The following EPB41L3 variants were observed in gnomAD, a reference collection of about 807,000 sequenced individuals.
The protein encoded by EPB41L3 is erythrocyte membrane protein band 4.1 like 3, also known as band 4.1-like protein 3.
In EPB41L3, 57 loss-of-function variants were observed where a neutral mutation model predicts 127.1. The observed-to-expected ratio is 0.45, with a 90% CI of 0.36 to 0.56. The LOEUF (loss-of-function observed/expected upper bound fraction) is 0.56, where lower values mean the gene tolerates loss of function less well. Among genes scored for constraint, EPB41L3 ranks in the 20% least tolerant of loss-of-function variants. EPB41L3 has a pLI of 0.00. For missense variants in EPB41L3, 1,273 were observed against 1,372.2 expected, an observed-to-expected ratio of 0.93 and a Z score of 1.14; for synonymous variants, 572 against 549.5, an observed-to-expected ratio of 1.04 and a Z score of -0.57.
chr18:5,408,355 C>T (rs2075767908), intron 14 of EPB41L3, among the ~76,000 whole-genome samples: 1 of 149,576 alleles, frequency 6.7e-6, no homozygotes, highest in Non-Finnish European at 1.5e-5. Context: ...CTCACTGCAA[C>T]CTCCACCTCC....
At chr18:5,538,994 G>GTTTTTTTTTTTT (rs1568535153) in intron 1 of EPB41L3, among the ~76,000 whole-genome samples, 3 of 128,628 alleles carry the variant, frequency 2.3e-5, no homozygotes, top group African/African-American at 3.1e-5. Flanking sequence ...CTTTCTCCAA[G>GTTTTTTTTTTTT]ATTTTTTTTT....
At position 5,434,104 on chromosome 18, in the gene EPB41L3, T is replaced by C. The variant is rs1201891671; in HGVS notation, c.623A>G (p.Gln208Arg). Reference protein sequence around the residue: ...EDITRYYLCLQLRDDIVSGRL... With the variant: ...EDITRYYLCLRLRDDIVSGRL... ...TCCGGACACGATGTCATCTCGCAAC[T>C]GCAAGCAGAGGTAGTACCTTCCAGG... Residue 208 changes from glutamine (Q) to arginine (R), a missense_variant, in exon 7 of 23, where the codon CAG (glutamine) becomes CGG (arginine). Around this residue, in one of 3 missense-constraint regions of EPB41L3, gnomAD observed 326 missense variants for 440.2 expected, o/e 0.74. Transcript: ENST00000341928. 11 of 1,613,918 alleles carry C rather than the reference T, an allele frequency of 6.8e-6. No individual in the cohort carries two copies. Among genetic ancestry groups the C allele is most frequent in the Non-Finnish European group, 7.6e-6 (9 of 1,180,022 alleles).
At chr18:5,603,708 C>T (rs2094614731) in intron 3 of EPB41L3, among the ~76,000 whole-genome samples, 1 of 152,078 alleles carries the variant, frequency 6.6e-6, no homozygotes, top group South Asian at 2.1e-4. Context: ...CATAGTAAGA[C>T]CCTATATCTA....
intron 12 of EPB41L3, among the ~76,000 whole-genome samples, chr18:5,418,918 G>A (rs1029813611): frequency 1.3e-5 from 2 of 152,152 alleles, no homozygotes; most frequent in African/African-American, 4.8e-5. Flanking sequence ...TTTTCATTCT[G>A]CTATTTCCTC....
chr18:5,551,590 C>A (rs1284887011), intron 3 of EPB41L3, among the ~76,000 whole-genome samples: 1 of 152,220 alleles, frequency 6.6e-6, no homozygotes, highest in East Asian at 1.9e-4. Flanking sequence ...CGTAGTGGAG[C>A]ATGCCTGTGG....
At chr18:5,617,692 TA>T (rs1220865229) in intron 1 of EPB41L3, among the ~76,000 whole-genome samples, 1 of 152,202 alleles carries the variant, frequency 6.6e-6, no homozygotes, top group Non-Finnish European at 1.5e-5. Flanking sequence ...CAAATATAAT[TA>T]ATTCAATCAC....
At chr18:5,542,929 G>A (rs1302832302) in intron 1 of EPB41L3, among the ~76,000 whole-genome samples, 1 of 152,196 alleles carries the variant, frequency 6.6e-6, no homozygotes, top group African/African-American at 2.4e-5. Flanking sequence ...GCAGCAGCCA[G>A]GAAACACTCG....
At chr18:5,485,517 T>G (rs1055540698) in intron 2 of EPB41L3, among the ~76,000 whole-genome samples, 2 of 148,596 alleles carry the variant, frequency 1.3e-5, no homozygotes, top group African/African-American at 5.2e-5. Flanking sequence ...AAGAAAGAAA[T>G]AAAGGGCATC....
intron 1 of EPB41L3, among the ~76,000 whole-genome samples, chr18:5,515,068 T>C (rs989982719): frequency 2.0e-5 from 3 of 152,202 alleles, no homozygotes; most frequent in African/African-American, 7.2e-5. Flanking sequence ...CACAAGTGTC[T>C]AAAACCAACA....
chr18:5,396,464 G>A, intron 18 of EPB41L3, 132 bp from the exon 19 acceptor site: 3 of 1,004,418 alleles, frequency 3.0e-6, no homozygotes, highest in Non-Finnish European at 4.4e-6. Context: ...AGTAAGCTGG[G>A]GAATGAGGCA....
intron 3 of EPB41L3, among the ~76,000 whole-genome samples, chr18:5,599,874 C>G (rs945970287): frequency 6.6e-6 from 1 of 152,132 alleles, no homozygotes; most frequent in East Asian, 1.9e-4. Flanking sequence ...CCTTTAGAGA[C>G]GTATTTATAT....
At chr18:5,436,495 G>A (rs918374979) in intron 6 of EPB41L3, among the ~76,000 whole-genome samples, 65 of 134,996 alleles carry the variant, frequency 4.8e-4, no homozygotes, top group African/African-American at 1.6e-3. Context: ...TGCAAGCTCC[G>A]CCTCCCAGGT....
At chr18:5,490,978 G>A (rs981642928) in intron 1 of EPB41L3, among the ~76,000 whole-genome samples, 1 of 152,182 alleles carries the variant, frequency 6.6e-6, no homozygotes, top group Non-Finnish European at 1.5e-5. Context: ...CCTAGTCTGT[G>A]CCGGAAATAT....
chr18:5,442,020 C>T (rs1012044880), intron 5 of EPB41L3, among the ~76,000 whole-genome samples: 1 of 152,136 alleles, frequency 6.6e-6, no homozygotes, highest in Non-Finnish European at 1.5e-5. Context: ...TACAGCCTTT[C>T]CTGTCATGGT....
rs2072668894 is a variant in EPB41L3 at position 5,393,122 on chromosome 18, T to A, written c.*363A>T. The A allele has an allele frequency of 4.6e-6, 1 of 218,676 alleles. No individual in the cohort carries two copies. Among genetic ancestry groups the A allele is most frequent in the Non-Finnish European group, 8.9e-6 (1 of 112,258 alleles). The allele number at this position is 218,676 out of a possible 1,614,324, so 13.5% of individuals were successfully genotyped here. ...AATTTTGTTTAGACTTTAATAATAA[T>A]AAACTATGAAAGGCATGAATTGTTT... On this transcript the variant is annotated 3_prime_UTR_variant, in exon 23 of 23. Coordinates refer to ENST00000341928, the MANE Select transcript of EPB41L3 (RefSeq NM_012307.5).
At chr18:5,395,447 C>T (rs552076207) in intron 20 of EPB41L3, among the ~76,000 whole-genome samples, 162 bp downstream of exon 20, 4 of 152,270 alleles carry the variant, frequency 2.6e-5, no homozygotes, top group South Asian at 2.1e-4. Context: ...ACAAGTGCAT[C>T]GTAAATCTAG....
intron 3 of EPB41L3, among the ~76,000 whole-genome samples, chr18:5,459,394 T>TC (rs1469962114): frequency 8.4e-6 from 1 of 118,458 alleles, no homozygotes; most frequent in Non-Finnish European, 1.7e-5. Flanking sequence ...TCCATTGGTC[T>TC]CTTTTTTTTT....
upstream of EPB41L3, among the ~76,000 whole-genome samples, chr18:5,548,155 G>T (rs1329485541): frequency 6.6e-6 from 1 of 152,132 alleles, no homozygotes; most frequent in Non-Finnish European, 1.5e-5. Context: ...TTGAAATCAG[G>T]ATATAAAGTC....
chr18:5,575,969 C>G (rs1476274954), intron 3 of EPB41L3, among the ~76,000 whole-genome samples: 2 of 152,166 alleles, frequency 1.3e-5, no homozygotes, highest in African/African-American at 4.8e-5. Flanking sequence ...CACTTAAGAT[C>G]TGAATACAAC....
Sources: gnomAD v4.1 joint callset for allele counts (sites outside exome capture counted in the v4.1 genomes callset) on GRCh38, gnomAD v4.1.1 for gene constraint, gnomAD v4.1.1 regional missense constraint, MANE v1.5 for transcripts, NCBI Gene and HGNC (gene_info 2026-07-23, HGNC 2026-07-21) for gene names.